The following SEZ6 variants were observed in gnomAD, a reference collection of about 807,000 sequenced individuals.
SEZ6 encodes the protein seizure related 6 homolog, also known as seizure protein 6 homolog.
Under a neutral mutation model 101.0 loss-of-function variants are expected in SEZ6, and 53 were observed. That is an observed-to-expected ratio of 0.52 (90% CI 0.42 to 0.66). SEZ6 has a LOEUF of 0.66. SEZ6 is among the 30% of genes least tolerant of loss of function. The probability of loss-of-function intolerance (pLI) is 0.00; values close to 1 mark genes in which losing one functional copy is unlikely to be tolerated. For synonymous variants in SEZ6, 488 were observed against 512.2 expected (o/e 0.95, Z 0.64); for missense variants, 1,102 against 1,289.4 (o/e 0.85, Z 2.23).
In SEZ6 at chr17:28,959,204, C is replaced by T. The variant is rs1200353938; in HGVS notation, c.1928G>A (p.Gly643Asp). ...CCCATCATAGAAGGTAAGCACATCA[C>T]CAGGGCCTATGCGCAGCCTGTGAAG... The part of the protein sequence containing the change: ...LDIRVLRIGP[G>D]DVLTFYDGDD... Residue 643 changes from glycine to aspartate, a missense_variant, in exon 10 of 17, where the codon GGT becomes GAT. Coordinates refer to ENST00000317338, the MANE Select transcript of SEZ6 (RefSeq NM_178860.5). This position sits in a 1 kb window ranked among gnomAD's most constrained non-coding sequence, Gnocchi z 4.4. 1.2e-6 allele frequency: 2 copies of T among 1,613,248 alleles called. No homozygotes were observed. Among genetic ancestry groups the T allele is most frequent in the South Asian group, 1.1e-5 (1 of 90,972 alleles).
rs1567979505 is a variant in SEZ6, at chr17:28,956,212, A to T, written c.2899T>A (p.Tyr967Asn). The change falls in exon 16 of 17, where the codon TAC becomes AAC. Residue 967 changes from tyrosine (Y) to asparagine (N), a missense_variant. Transcript: ENST00000317338. ...LQLPRPRPRP[Y>N]NRITIESAFD... ...GCTGACTCTATGGTAATGCGGTTGT[A>T]GGGGCGGGGGCGGGGGCGGGGCAGC... The T allele has an allele frequency of 6.6e-6, 1 of 151,148 alleles. No homozygotes were observed. Among genetic ancestry groups the T allele is most frequent in the Non-Finnish European group, 1.2e-5 (1 of 80,786 alleles). The allele number at this position is 151,148 out of a possible 1,614,324, so 9.4% of individuals were successfully genotyped here.
At chr17:29,000,110 A>C (rs1377015298) in intron 1 of SEZ6, among the ~76,000 whole-genome samples, 1 of 152,380 alleles carries the variant, frequency 6.6e-6, no homozygotes, top group East Asian at 1.9e-4. Flanking sequence ...TATACAAAGC[A>C]CTTCGTACAG....
chr17:28,983,774 C>T (rs931902908), intron 1 of SEZ6, among the ~76,000 whole-genome samples: 167 of 152,114 alleles, frequency 1.1e-3, no homozygotes, highest in Non-Finnish European at 2.1e-4. Flanking sequence ...GAAACACAGC[C>T]GGGGTGAGAT....
intron 1 of SEZ6, among the ~76,000 whole-genome samples, chr17:29,000,074 T>A (rs755758817): frequency 2.6e-5 from 4 of 152,232 alleles, no homozygotes; most frequent in Non-Finnish European, 5.9e-5. Flanking sequence ...CTCACAGAGA[T>A]GATAAGAGAA....
At chr17:28,956,517 C>T (rs1376944843) in intron 14 of SEZ6, 50 bp from the exon 15 acceptor site, 2 of 1,525,036 alleles carry the variant, frequency 1.3e-6, no homozygotes, top group Middle Eastern at 1.9e-4. Flanking sequence ...TCACCTGGAG[C>T]CCATATTCTC....
At chr17:28,980,669 A>AT (rs1219503013) in intron 2 of SEZ6, among the ~76,000 whole-genome samples, 1 of 147,266 alleles carries the variant, frequency 6.8e-6, no homozygotes, top group African/African-American at 2.5e-5. Context: ...CGCCCGGCCA[A>AT]TTTTTTGTAT....
intron 4 of SEZ6, among the ~76,000 whole-genome samples, chr17:28,965,462 G>A (rs1188447895): frequency 6.6e-6 from 1 of 152,048 alleles, no homozygotes; most frequent in Non-Finnish European, 1.5e-5. Flanking sequence ...AACATAGTGA[G>A]GTCCCCATCT....
In SEZ6 at chr17:28,955,891, G is replaced by C; in HGVS notation, c.*71C>G. 6.5e-7 allele frequency: 1 copy of C among 1,534,928 alleles called. No homozygotes were observed. On this transcript the variant is annotated 3_prime_UTR_variant, in exon 17 of 17. Coordinates refer to ENST00000317338, the MANE Select transcript of SEZ6 (RefSeq NM_178860.5). ...AGGTGGAGGGACAGCAGGAAGCAAG[G>C]AGCCTTGCTGCTGGACTGTGGTGCA...
At chr17:28,957,913 T>C in intron 11 of SEZ6, 34 bp downstream of exon 11, 1 of 1,594,040 alleles carries the variant, frequency 6.3e-7, no homozygotes, top group Non-Finnish European at 8.6e-7. Context: ...GAGTTTGTGT[T>C]GGGAAGGGGA....
chr17:28,959,683 C>G lies in SEZ6; in HGVS notation c.1771+15G>C. ...GCCTTTTGCCCGGTAGGCCCATCCA[C>G]TGGTGTCTACTGACCTCGGCAGGCT... is the stretch of plus-strand genomic sequence containing the variant. On this transcript the variant is annotated intron_variant, in intron 8 of 16. Transcript: ENST00000317338. This position sits in a 1 kb window ranked among gnomAD's most constrained non-coding sequence, Gnocchi z 4.4. 6.4e-7 allele frequency: 1 copy of G among 1,569,736 alleles called. No homozygotes were observed. Among genetic ancestry groups the G allele is most frequent in the Non-Finnish European group, 8.6e-7 (1 of 1,156,728 alleles).
intron 1 of SEZ6, among the ~76,000 whole-genome samples, chr17:28,995,628 A>G (rs9901604): frequency 0.016 from 2,379 of 152,260 alleles, 67 homozygotes; most frequent in African/African-American, 0.054. Context: ...AGATGCAGGA[A>G]CAAAAGACTT....
intron 3 of SEZ6, 66 bp from the exon 4 acceptor site, chr17:28,970,018 G>A (rs146604629): frequency 6.9e-5 from 99 of 1,428,564 alleles, no homozygotes; most frequent in Middle Eastern, 1.8e-4. Flanking sequence ...GGATCCTGCC[G>A]CCCTCAGGAT....
At chr17:29,004,390 T>G (rs1284464691) in intron 1 of SEZ6, among the ~76,000 whole-genome samples, 4 of 152,162 alleles carry the variant, frequency 2.6e-5, no homozygotes, top group Non-Finnish European at 4.4e-5. Flanking sequence ...GGGTGGGTCT[T>G]GCAGGACTCT....
intron 1 of SEZ6, among the ~76,000 whole-genome samples, chr17:29,002,200 G>A (rs1313941910): frequency 6.6e-6 from 1 of 151,926 alleles, no homozygotes; most frequent in Non-Finnish European, 1.5e-5. Context: ...CCCAGCAGAT[G>A]GGGCTTAATT....
chr17:28,964,644 C>T (rs1312833074), intron 4 of SEZ6, among the ~76,000 whole-genome samples: 1 of 152,144 alleles, frequency 6.6e-6, no homozygotes, highest in Non-Finnish European at 1.5e-5. Flanking sequence ...TACTGTTTTT[C>T]CTTTAGGGAA....
At chr17:29,002,646 G>T (rs1428600652) in intron 1 of SEZ6, among the ~76,000 whole-genome samples, 1 of 152,120 alleles carries the variant, frequency 6.6e-6, no homozygotes, top group Non-Finnish European at 1.5e-5. Flanking sequence ...ATGGGGCCTT[G>T]TCCCCAGTAC....
chr17:28,959,886 TG>T lies in SEZ6; in HGVS notation c.1582del (p.Gln528SerfsTer113). The T allele has an allele frequency of 6.2e-7, 1 of 1,607,484 alleles. No homozygotes were observed. Among genetic ancestry groups the T allele is most frequent in the Non-Finnish European group, 8.5e-7 (1 of 1,176,976 alleles). ...AAAGGGCTCATAGCAATGGCCCTGC[TG>T]GAAGGCTGTAAACCACAGGTCCCAG... ...AGMALRYEAF[Q>X]QGHCYEPFVK... On this transcript the variant is annotated frameshift_variant, in exon 8 of 17. Coordinates refer to ENST00000317338, the MANE Select transcript of SEZ6 (RefSeq NM_178860.5). LOFTEE classifies it high-confidence loss of function. The surrounding 1 kb of genome is among the most constrained non-coding windows in gnomAD (Gnocchi z 4.4).
intron 1 of SEZ6, among the ~76,000 whole-genome samples, chr17:29,003,489 C>T (rs561844468): frequency 6.6e-4 from 100 of 152,384 alleles, no homozygotes; most frequent in Admixed American, 2.7e-3. Flanking sequence ...ATGAGCAAAG[C>T]TCTGAGGGCC....
chr17:28,969,815 C>A lies in SEZ6; in HGVS notation c.996G>T (p.Leu332=). The change falls in exon 4 of 17, where the codon CTG becomes CTT. Residue 332 remains leucine, a synonymous_variant. Transcript: ENST00000317338. ...CCGGTGGCGGGAGGCTCTGGAACCT[C>A]AGGGCCGCTTGGTGGGTGGGGCTGC... The part of the protein sequence containing the change: ...VIRSPTHQAA[L]RFQSLPPPAG... The A allele has an allele frequency of 6.6e-7, 1 of 1,524,072 alleles. No individual in the cohort carries two copies. Among genetic ancestry groups the A allele is most frequent in the Non-Finnish European group, 8.7e-7 (1 of 1,147,074 alleles). 94.4% of individuals were successfully genotyped at this position (1,524,072 alleles called of 1,614,324 possible). A position where few individuals can be genotyped will look rare whatever the true frequency, so the allele number is the denominator to read the frequency against.
Sources: allele counts gnomAD v4.1 joint callset (sites outside exome capture counted in the v4.1 genomes callset), GRCh38; gene constraint gnomAD v4.1.1; non-coding constraint Gnocchi (gnomAD v3.1); transcripts MANE v1.5; gene names NCBI Gene and HGNC (gene_info 2026-07-23, HGNC 2026-07-21).